EIF5A: variants seen among roughly 807,000 people sequenced by gnomAD.
EIF5A encodes the protein eukaryotic translation initiation factor 5A.
A neutral mutation model predicts 16.6 loss-of-function variants in EIF5A; 1 was observed. That is an observed-to-expected ratio of 0.06 (90% CI 0.02 to 0.28). The LOEUF (loss-of-function observed/expected upper bound fraction) is 0.28. EIF5A is among the 10% of genes least tolerant of loss of function. The pLI is 1.00. For missense variants in EIF5A, 29 were observed against 196.1 expected (o/e 0.15, Z 5.09); for synonymous variants, 80 against 73.6 (o/e 1.09, Z -0.44).
At chr17:7,310,855 A>C (rs1218845447) in intron 2 of EIF5A, 163 bp from the exon 3 acceptor site, 1 of 985,212 alleles carries the variant, frequency 1.0e-6, no homozygotes, top group African/African-American at 1.7e-5. Context: ...TTTTTCTTTA[A>C]GAGGCTTTAC....
chr17:7,311,909 A>C lies in EIF5A; in HGVS notation c.*99A>C. ...TGGCTCTGGCCCGGTCCTAAGCTGG[A>C]CTCCTCCTACACAATTTATTTGACG... On this transcript the variant is annotated 3_prime_UTR_variant, in exon 6 of 6. Transcript: ENST00000336458. 3.5e-6 allele frequency: 2 copies of C among 573,774 alleles called. No homozygotes were observed. Among genetic ancestry groups the C allele is most frequent in the East Asian group, 3.0e-5 (1 of 33,124 alleles). The allele number at this position is 573,774 out of a possible 1,614,324, so 35.5% of individuals were successfully genotyped here.
At chr17:7,310,878 TG>T in intron 2 of EIF5A, 139 bp from the exon 3 acceptor site, 1 of 1,429,122 alleles carries the variant, frequency 7.0e-7, no homozygotes, top group Non-Finnish European at 9.2e-7. Flanking sequence ...TTTCTTGAGT[TG>T]ACTGGTTCAA....
At position 7,310,277 on chromosome 17, in the gene EIF5A, T is replaced by C. The variant is rs996496426; in HGVS notation, c.165+477T>C. On this transcript the variant is annotated intron_variant, in intron 2 of 5. Transcript: ENST00000336458. ...CGTTCCCCAGTTCTAGCTTTCCCTT[T>C]GGAACTCTGACGCAGGATCAAACTG... 2.3e-6 allele frequency: 3 copies of C among 1,288,256 alleles called. No homozygotes were observed. In the African/African-American group the frequency reaches 4.6e-5, roughly 20 times the overall value. The allele number at this position is 1,288,256 out of a possible 1,614,324, so 79.8% of individuals were successfully genotyped here.
At position 7,312,326 on chromosome 17, in the gene EIF5A, G is replaced by A. The variant is rs1348437978; in HGVS notation, c.*516G>A. ...ATGGGGAGGGAAGAGGAGGAGAGGGGAGGGGACCTGCCCCCTCCTCAGGCA... is the reference window on the plus strand; with the variant it reads ...ATGGGGAGGGAAGAGGAGGAGAGGGAAGGGGACCTGCCCCCTCCTCAGGCA... On this transcript the variant is annotated 3_prime_UTR_variant, in exon 6 of 6. Transcript: ENST00000336458. 2 of 193,970 alleles carry A rather than the reference G, an allele frequency of 1.0e-5. No individual in the cohort carries two copies. Among genetic ancestry groups the A allele is most frequent in the East Asian group, 3.3e-4 (2 of 6,096 alleles). 12.0% of individuals were successfully genotyped at this position (193,970 alleles called of 1,614,324 possible).
chr17:7,308,376 A>G (rs939122366), intron 1 of EIF5A: 2 of 1,194,966 alleles, frequency 1.7e-6, no homozygotes, highest in East Asian at 1.4e-4. Context: ...GGTCGGCAGG[A>G]GCCGGCAGCC....
intron 1 of EIF5A, chr17:7,308,345 G>A (rs1350816781): frequency 4.3e-6 from 5 of 1,173,834 alleles, no homozygotes; most frequent in Admixed American, 3.8e-5. Flanking sequence ...CCCGGCCACC[G>A]GAAGCCCGGA....
chr17:7,310,915 A>G (rs2072806046), intron 2 of EIF5A, 103 bp from the exon 3 acceptor site: 14 of 1,469,076 alleles, frequency 9.5e-6, no homozygotes, highest in African/African-American at 1.4e-5. Context: ...CTTTGCCCCA[A>G]CAATGTAATT....
At chr17:7,307,123 G>A (rs754841806), upstream of EIF5A, 2 of 1,591,436 alleles carry the variant, frequency 1.3e-6, no homozygotes, top group Non-Finnish European at 1.7e-6. Flanking sequence ...CGTGTGAGTC[G>A]TTTAAGTCCA....
chr17:7,307,673 GGCGGCGGCGGCA>G lies in EIF5A; in HGVS notation c.-96_-85del. The G allele has an allele frequency of 1.9e-6, 2 of 1,052,826 alleles. No individual in the cohort carries two copies. Among genetic ancestry groups the G allele is most frequent in the Non-Finnish European group, 2.3e-6 (2 of 873,834 alleles). 65.2% of individuals were successfully genotyped at this position (1,052,826 alleles called of 1,614,324 possible). A position where few individuals can be genotyped will look rare whatever the true frequency, so the allele number is the denominator to read the frequency against. On this transcript the variant is annotated 5_prime_UTR_variant, in exon 1 of 6. Transcript: ENST00000336458. ...CAGCGGCGGCGGCGGTAGAGGCGGCGGCGGCGGCGGCAGCGGGCTCGGAGGCAGCGGTTGGGC... is the reference window on the plus strand; with the variant it reads ...CAGCGGCGGCGGCGGTAGAGGCGGCGGCGGGCTCGGAGGCAGCGGTTGGGC...
At chr17:7,307,916 G>A in intron 1 of EIF5A, 164 bp downstream of exon 1, 2 of 984,204 alleles carry the variant, frequency 2.0e-6, no homozygotes, top group Non-Finnish European at 2.4e-6. Flanking sequence ...CGCGCGCCCC[G>A]GTTGGCGCGC....
At chr17:7,309,900 G>A (rs754422046) in intron 2 of EIF5A, 100 bp downstream of exon 2, 5 of 1,610,982 alleles carry the variant, frequency 3.1e-6, no homozygotes, top group Non-Finnish European at 4.2e-6. Context: ...CTTTAACTCT[G>A]CTTTTACTGT....
At position 7,311,963 on chromosome 17, in the gene EIF5A, A is replaced by G; in HGVS notation, c.*153A>G. 2.4e-6 allele frequency: 1 copy of G among 410,696 alleles called. No individual in the cohort carries two copies. Among genetic ancestry groups the G allele is most frequent in the Non-Finnish European group, 4.7e-6 (1 of 213,756 alleles). 25.4% of individuals were successfully genotyped at this position (410,696 alleles called of 1,614,324 possible). A position where few individuals can be genotyped will look rare whatever the true frequency, so the allele number is the denominator to read the frequency against. On this transcript the variant is annotated 3_prime_UTR_variant, in exon 6 of 6. Transcript: ENST00000336458. ...TATTTTGGTTTTCCCCACCCCCTCA[A>G]TCTGTCGGGGAGCCCCTGCCCTTCA...
intron 1 of EIF5A, chr17:7,308,511 C>G (rs767288500): frequency 2.8e-5 from 38 of 1,351,272 alleles, no homozygotes; most frequent in Non-Finnish European, 3.7e-5. Flanking sequence ...TAGCGCTTCC[C>G]AACCTCAAGG....
intron 2 of EIF5A, chr17:7,310,062 A>G (rs1253364097): frequency 4.1e-6 from 6 of 1,460,620 alleles, no homozygotes; most frequent in African/African-American, 1.4e-5. Context: ...AATCTCTTCA[A>G]TTCATAGGCC....
intron 2 of EIF5A, 83 bp from the exon 3 acceptor site, chr17:7,310,935 C>T (rs1352144329): frequency 2.0e-6 from 3 of 1,497,784 alleles, no homozygotes; most frequent in Non-Finnish European, 2.7e-6. Context: ...TCTGACTTCC[C>T]TCATCAGGCA....
upstream of EIF5A, chr17:7,307,297 T>G: frequency 8.4e-7 from 1 of 1,188,586 alleles, no homozygotes; most frequent in Non-Finnish European, 1.1e-6. Flanking sequence ...AGGCGTTTCC[T>G]TTAGAGGGTG....
intron 3 of EIF5A, 101 bp downstream of exon 3, chr17:7,311,223 G>A (rs936329610): frequency 1.3e-6 from 2 of 1,578,630 alleles, no homozygotes; most frequent in East Asian, 2.3e-5. Context: ...GGAGAGAGGA[G>A]GGAAATGGCA....
intron 2 of EIF5A, chr17:7,310,797 A>C (rs777746978): frequency 4.1e-6 from 4 of 985,278 alleles, no homozygotes; most frequent in Non-Finnish European, 4.8e-6. Flanking sequence ...GCAGTTTTCT[A>C]TTGTGCTGTC....
upstream of EIF5A, chr17:7,307,157 C>G (rs747247268): frequency 3.2e-5 from 49 of 1,546,788 alleles, no homozygotes; most frequent in Non-Finnish European, 4.1e-5. Context: ...TGGGGCGTAT[C>G]CTGAGACGCA....
Sources: allele counts gnomAD v4.1 joint callset, GRCh38; gene constraint gnomAD v4.1.1; transcripts MANE v1.5; gene names NCBI Gene and HGNC (gene_info 2026-07-23, HGNC 2026-07-21).